The following WWP2 variants were observed in gnomAD, a reference collection of about 807,000 sequenced individuals.
WWP2 encodes WW domain containing E3 ubiquitin protein ligase 2.
WWP2 carries 57 observed loss-of-function variants against 121.0 expected under a neutral mutation model. The ratio of observed to expected loss-of-function variants is 0.47; its 90% confidence interval spans 0.38 to 0.59. The LOEUF (loss-of-function observed/expected upper bound fraction) is 0.59, where lower values mean the gene tolerates loss of function less well. WWP2 is among the 20% of genes least tolerant of loss of function. The pLI is 0.00. For missense variants in WWP2, 962 were observed against 1,158.9 expected (o/e 0.83, Z 2.47); for synonymous variants, 449 against 441.3 (o/e 1.02, Z -0.22).
intron 1 of WWP2, among the ~76,000 whole-genome samples, chr16:69,768,372 G>A (rs2038778493): frequency 6.6e-6 from 1 of 152,136 alleles, no homozygotes; most frequent in South Asian, 2.1e-4. Context: ...ACTTTAGGAG[G>A]CCGAGGTGGG....
At chr16:69,855,038 G>A (rs1316993823) in intron 6 of WWP2, among the ~76,000 whole-genome samples, 1 of 151,974 alleles carries the variant, frequency 6.6e-6, no homozygotes, top group Non-Finnish European at 1.5e-5. Flanking sequence ...AAAATTTTTT[G>A]TAGAGATAAG....
intron 6 of WWP2, among the ~76,000 whole-genome samples, chr16:69,857,800 T>C (rs2057345845): frequency 6.6e-6 from 1 of 151,846 alleles, no homozygotes; most frequent in South Asian, 2.1e-4. Context: ...TAGCTGAGAC[T>C]ACAGGTGTGC....
rs374800347 is a variant in WWP2, at chr16:69,810,513, C to T, written c.340+11218C>T. Among the ~76,000 whole-genome samples the T allele has an allele frequency of 2.6e-4, 39 of 151,718 alleles. No individual in the cohort carries two copies. The East Asian group carries it at 3.9e-3, about 15-fold the overall frequency. ...CACAATCTCGGCTCACTGCAAGCTC[C>T]GCCTCCTGGGTTCACGCCATTCTCC... On this transcript the variant is annotated intron_variant, in intron 4 of 23. Transcript: ENST00000359154.
At chr16:69,909,294 T>A in intron 9 of WWP2, 1 of 988,528 alleles carries the variant, frequency 1.0e-6, no homozygotes, top group South Asian at 4.7e-5. Context: ...CACATGTGTC[T>A]CCTGGTCCCG....
chr16:69,821,259 C>T (rs886482350), intron 4 of WWP2, among the ~76,000 whole-genome samples: 3 of 152,240 alleles, frequency 2.0e-5, no homozygotes, highest in Non-Finnish European at 4.4e-5. Context: ...TCCCTCAGCC[C>T]CACACCCTCA....
intron 7 of WWP2, among the ~76,000 whole-genome samples, chr16:69,874,367 G>A (rs1223294728): frequency 6.6e-6 from 1 of 152,220 alleles, no homozygotes; most frequent in Non-Finnish European, 1.5e-5. Context: ...TGAGAATTCT[G>A]AGGACCAGTT....
chr16:69,806,376 T>C (rs931196448), intron 4 of WWP2, among the ~76,000 whole-genome samples: 3 of 152,216 alleles, frequency 2.0e-5, no homozygotes, highest in African/African-American at 7.2e-5. Flanking sequence ...AATTTGTCTG[T>C]AGCTTTGGTC....
At chr16:69,765,553 G>C (rs1438262424) in intron 1 of WWP2, among the ~76,000 whole-genome samples, 1 of 152,182 alleles carries the variant, frequency 6.6e-6, no homozygotes, top group South Asian at 2.1e-4. Context: ...GCCAGGTGCG[G>C]TGGCTCACGC....
Position 69,917,567 on chromosome 16 carries a change from A to G in WWP2, c.1005-142A>G, listed in dbSNP as rs934601490. The stretch of plus-strand genomic sequence containing the variant: ...GATTGGGTGCTGCAGAGGCAACCAC[A>G]GATGTCTGCTATAATCAGCTAAGCC... On this transcript the variant is annotated intron_variant, in intron 9 of 23. Transcript: ENST00000359154. The G allele has an allele frequency of 4.5e-6, 4 of 897,720 alleles. No individual in the cohort carries two copies. In the African/African-American group the frequency reaches 5.0e-5, roughly 11 times the overall value. The allele number at this position is 897,720 out of a possible 1,614,324, so 55.6% of individuals were successfully genotyped here.
Position 69,871,882 on chromosome 16 carries a change from C to T in WWP2, c.654C>T (p.His218=), listed in dbSNP as rs1309370678. 14 of 1,614,024 alleles carry T rather than the reference C, an allele frequency of 8.7e-6. No individual in the cohort carries two copies. The highest frequency in any genetic ancestry group is 1.1e-5 in the Non-Finnish European group (13 of 1,180,058). The part of the protein sequence containing the change: ...GEQSPGARSR[H]RQPVKNSGHS... ...AAAGCCCCGGTGCTCGGAGCCGGCA[C>T]CGCCAGCCCGTCAAGAACTCAGGCC... The change falls in exon 7 of 24, where the codon CAC becomes CAT. Residue 218 remains histidine, a synonymous_variant. Transcript: ENST00000359154.
chr16:69,906,216 G>T (rs1204766215), intron 8 of WWP2, among the ~76,000 whole-genome samples: 1 of 152,022 alleles, frequency 6.6e-6, no homozygotes. Context: ...GGGACTACAG[G>T]TGCCTGCCAC....
chr16:69,939,792 G>A (rs934849176), intron 23 of WWP2, 49 bp from the exon 24 acceptor site: 1 of 1,538,242 alleles, frequency 6.5e-7, no homozygotes, highest in Non-Finnish European at 8.9e-7. Flanking sequence ...GGGGCTATCA[G>A]AGCCCTGGCC....
chr16:69,930,471 G>A (rs4985460), intron 13 of WWP2, among the ~76,000 whole-genome samples: 56,291 of 151,934 alleles, frequency 0.37, 10,726 homozygotes, highest in African/African-American at 0.41. Context: ...TAGCGAGACC[G>A]TGTCTCCACA....
At chr16:69,842,934 G>A (rs1445761357) in intron 6 of WWP2, among the ~76,000 whole-genome samples, 2 of 152,060 alleles carry the variant, frequency 1.3e-5, no homozygotes, top group East Asian at 3.8e-4. Context: ...CTCCCAAACT[G>A]TTGGGATTAC....
At chr16:69,938,799 C>G (rs960180168) in intron 21 of WWP2, among the ~76,000 whole-genome samples, 1 of 152,250 alleles carries the variant, frequency 6.6e-6, no homozygotes, top group Non-Finnish European at 1.5e-5. Flanking sequence ...TGAGGTGTCC[C>G]TGAGACCCAG....
At chr16:69,831,618 C>T (rs151257965) in intron 4 of WWP2, among the ~76,000 whole-genome samples, 2 of 152,156 alleles carry the variant, frequency 1.3e-5, no homozygotes, top group African/African-American at 4.8e-5. Context: ...AAACTCTTCT[C>T]AATAGGAAAT....
chr16:69,887,982 T>G, intron 7 of WWP2, 57 bp from the exon 8 acceptor site: 1 of 1,592,946 alleles, frequency 6.3e-7, no homozygotes, highest in Non-Finnish European at 8.6e-7. Context: ...ACCTAGCAAG[T>G]ATAAATAAAA....
chr16:69,830,527 G>A (rs139510804), intron 4 of WWP2, among the ~76,000 whole-genome samples: 2 of 152,316 alleles, frequency 1.3e-5, no homozygotes, highest in Non-Finnish European at 2.9e-5. Flanking sequence ...AATGATAAAG[G>A]GTAGATTCCC....
At chr16:69,796,175 C>T (rs945037220) in intron 2 of WWP2, among the ~76,000 whole-genome samples, 2 of 152,064 alleles carry the variant, frequency 1.3e-5, no homozygotes, top group African/African-American at 4.8e-5. Flanking sequence ...GGGAAATACA[C>T]CCAGAAATAT....
Sources: gnomAD v4.1 joint callset for allele counts (sites outside exome capture counted in the v4.1 genomes callset) on GRCh38, gnomAD v4.1.1 for gene constraint, MANE v1.5 for transcripts, NCBI Gene and HGNC (gene_info 2026-07-23, HGNC 2026-07-21) for gene names.